The following IL1RAP variants were observed in gnomAD, a reference collection of about 807,000 sequenced individuals.
IL1RAP encodes interleukin-1 receptor accessory protein.
A neutral mutation model predicts 60.7 loss-of-function variants in IL1RAP; 35 were observed. The observed-to-expected ratio is 0.58, with a 90% CI of 0.44 to 0.76. IL1RAP has a LOEUF of 0.76. Ranked by LOEUF, IL1RAP falls within the 30% of genes least tolerant of loss-of-function variation. IL1RAP has a pLI of 0.00. For missense variants in IL1RAP, 572 were observed against 693.9 expected, an observed-to-expected ratio of 0.82 and a Z score of 1.97; for synonymous variants, 268 against 250.9, an observed-to-expected ratio of 1.07 and a Z score of -0.64.
intron 3 of IL1RAP, among the ~76,000 whole-genome samples, chr3:190,570,802 G>T (rs1025643066): frequency 6.6e-6 from 1 of 152,160 alleles, no homozygotes; most frequent in African/African-American, 2.4e-5. Flanking sequence ...CTGACCTCAG[G>T]TGATCTGCCT....
At chr3:190,537,897 G>A (rs1343251575) in intron 1 of IL1RAP, among the ~76,000 whole-genome samples, 2 of 152,014 alleles carry the variant, frequency 1.3e-5, no homozygotes, top group East Asian at 3.9e-4. Context: ...TTATATTCTA[G>A]TCTTACTAGA....
intron 3 of IL1RAP, among the ~76,000 whole-genome samples, chr3:190,590,409 C>T (rs746976920): frequency 1.1e-4 from 17 of 152,052 alleles, no homozygotes; most frequent in Non-Finnish European, 2.2e-4. Context: ...GTGCCCACCA[C>T]ATTCCCGGCT....
At chr3:190,525,714 C>T (rs1018167446) in intron 1 of IL1RAP, among the ~76,000 whole-genome samples, 1 of 152,130 alleles carries the variant, frequency 6.6e-6, no homozygotes, top group Non-Finnish European at 1.5e-5. Context: ...AAAGGGAAAA[C>T]AAAAACCCAG....
exon 12 of IL1RAP, chr3:190,657,775 G>C (rs1173218215): frequency 6.6e-6 from 1 of 152,180 alleles, no homozygotes; most frequent in Non-Finnish European, 1.5e-5. Context: ...GTCAGCTTCA[G>C]GCCGGGTGTG....
intron 9 of IL1RAP, among the ~76,000 whole-genome samples, chr3:190,630,653 G>T (rs1472594048): frequency 2.6e-5 from 4 of 152,148 alleles, no homozygotes; most frequent in African/African-American, 7.2e-5. Context: ...CATTGCTTCT[G>T]CTCCTCAGAA....
intron 1 of IL1RAP, among the ~76,000 whole-genome samples, chr3:190,535,292 G>A (rs1408899641): frequency 6.6e-6 from 1 of 152,176 alleles, no homozygotes; most frequent in Non-Finnish European, 1.5e-5. Context: ...ATTTAGCAGT[G>A]ATGAACGCTT....
chr3:190,528,993 A>C (rs938814908), intron 1 of IL1RAP, among the ~76,000 whole-genome samples: 1 of 152,184 alleles, frequency 6.6e-6, no homozygotes, highest in Non-Finnish European at 1.5e-5. Flanking sequence ...GGGAGATGAG[A>C]GAACAGTTAA....
intron 2 of IL1RAP, among the ~76,000 whole-genome samples, chr3:190,559,111 C>A (rs1366424265): frequency 6.6e-6 from 1 of 152,012 alleles, no homozygotes; most frequent in African/African-American, 2.4e-5. Context: ...CTTAGCTGAG[C>A]TTTAGTAGTT....
intron 6 of IL1RAP, among the ~76,000 whole-genome samples, chr3:190,622,535 T>A (rs1474095062): frequency 2.0e-5 from 3 of 152,182 alleles, no homozygotes; most frequent in Admixed American, 6.5e-5. Context: ...CTGCCTGAGT[T>A]GGCTACAAAC....
chr3:190,586,660 A>G (rs576685897), intron 3 of IL1RAP, among the ~76,000 whole-genome samples: 137 of 152,326 alleles, frequency 9.0e-4, no homozygotes, highest in African/African-American at 3.3e-3. Context: ...CAGACAGTTG[A>G]TGGAGGAGCT....
At chr3:190,618,458 G>A (rs1577740524) in intron 5 of IL1RAP, among the ~76,000 whole-genome samples, 1 of 152,044 alleles carries the variant, frequency 6.6e-6, no homozygotes, top group African/African-American at 2.4e-5. Flanking sequence ...TCGGCTTTCT[G>A]GAAAACTGAA....
chr3:190,584,679 T>A (rs1435377822), intron 3 of IL1RAP, among the ~76,000 whole-genome samples: 1 of 152,240 alleles, frequency 6.6e-6, no homozygotes, highest in Non-Finnish European at 1.5e-5. Flanking sequence ...AAATATTTTG[T>A]CCCTTTTTAA....
chr3:190,593,255 T>C (rs1048772266), intron 3 of IL1RAP, among the ~76,000 whole-genome samples: 3 of 152,166 alleles, frequency 2.0e-5, no homozygotes, highest in Non-Finnish European at 2.9e-5. Context: ...TGCCCAGTGA[T>C]GAACACGGGT....
intron 5 of IL1RAP, among the ~76,000 whole-genome samples, chr3:190,614,439 A>G (rs915560847): frequency 1.3e-5 from 2 of 152,048 alleles, no homozygotes; most frequent in Non-Finnish European, 2.9e-5. Flanking sequence ...GGGAGATACC[A>G]TATTTTGACA....
rs1281993244 is a variant in IL1RAP, at chr3:190,650,262, C to T, written c.*1557C>T. 1.0e-6 allele frequency: 1 copy of T among 985,046 alleles called. No homozygotes were observed. The highest frequency in any genetic ancestry group is 1.2e-6 in the Non-Finnish European group (1 of 829,764). The allele number at this position is 985,046 out of a possible 1,614,324, so 61.0% of individuals were successfully genotyped here. A position where few individuals can be genotyped will look rare whatever the true frequency, so the allele number is the denominator to read the frequency against. On this transcript the variant is annotated 3_prime_UTR_variant, in exon 12 of 12. Transcript: ENST00000447382. ...GAGTGATAGTTGTCATAGTTCTTGC[C>T]TTCCCTAAGTTTATATAAATAACTT...
intron 9 of IL1RAP, among the ~76,000 whole-genome samples, chr3:190,641,256 C>T (rs1004530356): frequency 2.0e-5 from 3 of 152,208 alleles, no homozygotes; most frequent in African/African-American, 4.8e-5. Flanking sequence ...TGAGCCACTG[C>T]GCCCGGCCTC....
chr3:190,594,695 G>A (rs1037727677), intron 3 of IL1RAP, among the ~76,000 whole-genome samples: 18 of 152,304 alleles, frequency 1.2e-4, no homozygotes, highest in African/African-American at 1.9e-4. Context: ...GGGAAGGGGC[G>A]TGTGAGGCAT....
intron 1 of IL1RAP, among the ~76,000 whole-genome samples, chr3:190,522,330 C>CTTCCTTCT (rs1722119044): frequency 7.2e-6 from 1 of 138,286 alleles, no homozygotes; most frequent in Non-Finnish European, 1.5e-5. Context: ...TCCTTCCTTC[C>CTTCCTTCT]TTCCTTCCTT....
Position 190,649,118 on chromosome 3 carries a change from T to TA in IL1RAP, c.*414dup. The TA allele has an allele frequency of 3.0e-6, 3 of 988,300 alleles. No homozygotes were observed. Among genetic ancestry groups the TA allele is most frequent in the Non-Finnish European group, 3.6e-6 (3 of 831,876 alleles). The allele number at this position is 988,300 out of a possible 1,614,324, so 61.2% of individuals were successfully genotyped here. A position where few individuals can be genotyped will look rare whatever the true frequency, so the allele number is the denominator to read the frequency against. The stretch of plus-strand genomic sequence containing the variant: ...GAGTTTCCGAGTATAGTTTTCTTTT[T>TA]ATCTTATTTTTACTCGTCCGTTGAA... On this transcript the variant is annotated 3_prime_UTR_variant, in exon 12 of 12. Transcript: ENST00000447382.
Sources: gnomAD v4.1 joint callset for allele counts (sites outside exome capture counted in the v4.1 genomes callset) on GRCh38, gnomAD v4.1.1 for gene constraint, MANE v1.5 for transcripts, NCBI Gene and HGNC (gene_info 2026-07-23, HGNC 2026-07-21) for gene names.